The following OXR1 variants were observed in gnomAD, a reference collection of about 807,000 sequenced individuals.
OXR1 encodes the protein oxidation resistance 1.
A neutral mutation model predicts 104.6 loss-of-function variants in OXR1; 41 were observed. The observed-to-expected ratio is 0.39, with a 90% CI of 0.31 to 0.51. The LOEUF (loss-of-function observed/expected upper bound fraction) is 0.51. Among genes scored for constraint, OXR1 ranks in the 20% least tolerant of loss-of-function variants. The probability of loss-of-function intolerance (pLI) is 0.77; values close to 1 mark genes in which losing one functional copy is unlikely to be tolerated. For synonymous variants in OXR1, 348 were observed against 348.4 expected, an observed-to-expected ratio of 1.00 and a Z score of 0.01; for missense variants, 955 against 1,031.9, an observed-to-expected ratio of 0.93 and a Z score of 1.02.
rs150316138 is a variant in OXR1 at position 106,604,092 on chromosome 8, C to A, written c.221-75118C>A. On this transcript the variant is annotated intron_variant, in intron 3 of 16. Transcript: ENST00000517566. Reference sequence around the variant, plus strand: ...CAAACAAACAAAAAACAGAAGAAACCTGAACACTTGCAGGGATTAAATGGG... The same window carrying A: ...CAAACAAACAAAAAACAGAAGAAACATGAACACTTGCAGGGATTAAATGGG... Among the ~76,000 whole-genome samples the A allele has an allele frequency of 2.0e-5, 3 of 152,122 alleles. 1 individual carries two copies. The highest frequency in any genetic ancestry group is 7.2e-5 in the African/African-American group (3 of 41,510).
intron 1 of OXR1, among the ~76,000 whole-genome samples, chr8:106,356,452 T>A (rs966985119): frequency 6.6e-6 from 1 of 152,174 alleles, no homozygotes; most frequent in Non-Finnish European, 1.5e-5. Context: ...AATTGTACCA[T>A]GTACATTGAC....
chr8:106,715,138 T>A (rs1000055112), intron 11 of OXR1, among the ~76,000 whole-genome samples: 5 of 152,016 alleles, frequency 3.3e-5, no homozygotes, highest in Non-Finnish European at 7.4e-5. Context: ...ATAAAAAAGA[T>A]CTACTGGTAC....
At chr8:106,611,770 T>A (rs1354284847) in intron 3 of OXR1, among the ~76,000 whole-genome samples, 1 of 152,048 alleles carries the variant, frequency 6.6e-6, no homozygotes, top group Non-Finnish European at 1.5e-5. Flanking sequence ...GGATGGAGAG[T>A]CCTGTTGCCT....
At chr8:106,317,228 A>G (rs1201982006) in intron 1 of OXR1, among the ~76,000 whole-genome samples, 18 of 152,166 alleles carry the variant, frequency 1.2e-4, no homozygotes, top group Admixed American at 3.9e-4. Context: ...TGATTTGTCT[A>G]TAGCTGATTG....
At chr8:106,271,223 A>T (rs1045577321) in intron 1 of OXR1, among the ~76,000 whole-genome samples, 1 of 152,006 alleles carries the variant, frequency 6.6e-6, no homozygotes, top group African/African-American at 2.4e-5. Flanking sequence ...TCTGAGGTTC[A>T]CTTTCACCCC....
chr8:106,515,586 AT>A (rs1323612818), intron 2 of OXR1, among the ~76,000 whole-genome samples: 1 of 152,154 alleles, frequency 6.6e-6, no homozygotes, highest in Non-Finnish European at 1.5e-5. Context: ...TTCCAGGTTC[AT>A]TCATGTTGTA....
In OXR1 at chr8:106,299,019, CAAT is replaced by C. The variant is rs112676139; in HGVS notation, c.-139+28653_-139+28655del. ...TTAATCTCACACATATACAGATATACAATGAGTTGGGATAAGCTAGACAATATT... is the reference window on the plus strand; with the variant it reads ...TTAATCTCACACATATACAGATATACGAGTTGGGATAAGCTAGACAATATT... On this transcript the variant is annotated intron_variant, in intron 1 of 16. Coordinates refer to ENST00000517566, the MANE Select transcript of OXR1 (RefSeq NM_001198533.2). Among the ~76,000 whole-genome samples the C allele has an allele frequency of 3.0e-3, 450 of 151,954 alleles. 1 individual carries two copies. The highest frequency in any genetic ancestry group is 0.01 in the African/African-American group (432 of 41,444).
chr8:106,750,677 T>C (rs1465449139), intron 16 of OXR1, 129 bp from the exon 17 acceptor site: 2 of 629,532 alleles, frequency 3.2e-6, no homozygotes, highest in East Asian at 3.1e-5. Flanking sequence ...ATTGTGTCAG[T>C]GTGGAAAGGA....
intron 3 of OXR1, chr8:106,657,828 G>C: frequency 8.1e-7 from 1 of 1,235,794 alleles, no homozygotes; most frequent in Non-Finnish European, 1.0e-6. Flanking sequence ...CCCGGGCAGA[G>C]AGAGGGACGC....
intron 5 of OXR1, 87 bp downstream of exon 5, chr8:106,683,393 G>A: frequency 1.8e-6 from 1 of 546,946 alleles, no homozygotes; most frequent in Non-Finnish European, 3.2e-6. Flanking sequence ...TAATAATATA[G>A]AAAATTTGAG....
chr8:106,519,119 T>C lies in OXR1; in HGVS notation c.200T>C (p.Leu67Pro). 1 of 1,551,504 alleles carries C rather than the reference T, an allele frequency of 6.4e-7. No individual in the cohort carries two copies. Among genetic ancestry groups the C allele is most frequent in the Non-Finnish European group, 8.7e-7 (1 of 1,146,630 alleles). The change falls in exon 3 of 17, where the codon CTG becomes CCG. Residue 67 changes from leucine (L) to proline (P), a missense_variant. Around this residue, in one of 2 missense-constraint regions of OXR1, gnomAD observed 849 missense variants for 852.9 expected, o/e 1.00. Coordinates refer to ENST00000517566, the MANE Select transcript of OXR1 (RefSeq NM_001198533.2). ...AAACATCCTTCCAGAAGGAGCGAACTGAAGAGGTTCTACACAATTGGTGAG... is the reference window on the plus strand; with the variant it reads ...AAACATCCTTCCAGAAGGAGCGAACCGAAGAGGTTCTACACAATTGGTGAG... ...TQKHPSRRSE[L>P]KRFYTIDTGQ...
At chr8:106,302,893 A>G (rs1411132401) in intron 1 of OXR1, among the ~76,000 whole-genome samples, 1 of 150,804 alleles carries the variant, frequency 6.6e-6, no homozygotes, top group East Asian at 2.1e-4. Context: ...CTGGGACTAC[A>G]GGCGCCCGCC....
chr8:106,510,774 T>C (rs920229200), intron 2 of OXR1, among the ~76,000 whole-genome samples: 1 of 152,204 alleles, frequency 6.6e-6, no homozygotes, highest in Admixed American at 6.5e-5. Context: ...ACATTTTCTG[T>C]TCTCTGAATT....
chr8:106,424,425 T>TC (rs34180339), intron 2 of OXR1, among the ~76,000 whole-genome samples: 1 of 152,158 alleles, frequency 6.6e-6, no homozygotes, highest in East Asian at 1.9e-4. Context: ...TATGGTAATT[T>TC]CCCCTGTCAT....
At chr8:106,507,441 T>C (rs1812244236) in intron 2 of OXR1, among the ~76,000 whole-genome samples, 1 of 152,200 alleles carries the variant, frequency 6.6e-6, no homozygotes, top group South Asian at 2.1e-4. Context: ...GCTATTCTCT[T>C]CCACAAATAC....
At chr8:106,531,732 T>G (rs1023880670) in intron 3 of OXR1, among the ~76,000 whole-genome samples, 1 of 152,148 alleles carries the variant, frequency 6.6e-6, no homozygotes, top group Non-Finnish European at 1.5e-5. Context: ...ATCAGCACAA[T>G]AATATTTACT....
intron 3 of OXR1, among the ~76,000 whole-genome samples, chr8:106,651,180 C>T (rs1036759582): frequency 6.6e-6 from 1 of 152,140 alleles, no homozygotes; most frequent in African/African-American, 2.4e-5. Context: ...GTGGTAGTTT[C>T]CACCCACTGT....
intron 3 of OXR1, among the ~76,000 whole-genome samples, chr8:106,641,091 T>C (rs1823587545): frequency 6.6e-6 from 1 of 152,242 alleles, no homozygotes; most frequent in African/African-American, 2.4e-5. Context: ...ATTTACAACA[T>C]ATAAATTTGC....
intron 2 of OXR1, among the ~76,000 whole-genome samples, chr8:106,387,556 T>G (rs535834311): frequency 6.6e-6 from 1 of 152,232 alleles, no homozygotes; most frequent in African/African-American, 2.4e-5. Flanking sequence ...TATAAATCTT[T>G]ATAAAAGTGA....
Sources: gnomAD v4.1 joint callset for allele counts (sites outside exome capture counted in the v4.1 genomes callset) on GRCh38, gnomAD v4.1.1 for gene constraint, gnomAD v4.1.1 regional missense constraint, MANE v1.5 for transcripts, NCBI Gene and HGNC (gene_info 2026-07-23, HGNC 2026-07-21) for gene names.